The following ME1 variants were observed in gnomAD, a reference collection of about 807,000 sequenced individuals.
ME1 encodes the protein malic enzyme 1, also known as NADP-dependent malic enzyme.
ME1 carries 74 observed loss-of-function variants against 66.4 expected under a neutral mutation model. The observed-to-expected ratio is 1.11, with a 90% CI of 0.92 to 1.35. The LOEUF (loss-of-function observed/expected upper bound fraction) is 1.35. Among genes scored for constraint, ME1 ranks in the 40% most tolerant of loss-of-function variants. ME1 has a pLI of 0.00. For synonymous variants in ME1, 251 were observed against 235.6 expected (o/e 1.07, Z -0.60); for missense variants, 750 against 694.1 (o/e 1.08, Z -0.90).
chr6:83,398,461 G>A lies in ME1; in HGVS notation c.268C>T (p.Leu90=). 2.5e-6 allele frequency: 4 copies of A among 1,588,502 alleles called. No individual in the cohort carries two copies. The highest frequency in any genetic ancestry group is 2.6e-6 in the Non-Finnish European group (3 of 1,162,054). Residue 90 remains leucine, a synonymous_variant, in exon 3 of 14, where the codon CTG becomes TTG. Transcript: ENST00000369705. ...DRNEKLFYRV[L]TSDIEKFMPI... ...ATGAATTTCTCAATGTCAGATGTCA[G>A]CACTCTATAAAAGAGTTTTTCATTT...
intron 10 of ME1, among the ~76,000 whole-genome samples, chr6:83,228,327 C>T (rs1157017375): frequency 3.9e-5 from 6 of 152,184 alleles, no homozygotes; most frequent in South Asian, 4.1e-4. Context: ...TCAACCTCAG[C>T]ACTATTGACA....
intron 3 of ME1, among the ~76,000 whole-genome samples, chr6:83,385,065 T>C (rs958498223): frequency 6.6e-6 from 1 of 151,954 alleles, no homozygotes; most frequent in African/African-American, 2.4e-5. Flanking sequence ...TCTTTCCTTT[T>C]AAGCTAAACA....
At chr6:83,316,959 T>TAA (rs369750867) in intron 5 of ME1, among the ~76,000 whole-genome samples, 1 of 145,292 alleles carries the variant, frequency 6.9e-6, no homozygotes, top group African/African-American at 2.5e-5. Flanking sequence ...AAAATAAAAA[T>TAA]AAAAAAAAAA....
At chr6:83,409,641 A>T (rs1020245454) in intron 1 of ME1, among the ~76,000 whole-genome samples, 3 of 152,202 alleles carry the variant, frequency 2.0e-5, no homozygotes, top group African/African-American at 4.8e-5. Flanking sequence ...GCCAGACTGA[A>T]GAGAGACAAA....
At chr6:83,261,774 G>A (rs1030620270) in intron 6 of ME1, among the ~76,000 whole-genome samples, 14 of 152,228 alleles carry the variant, frequency 9.2e-5, no homozygotes, top group Admixed American at 7.8e-4. Flanking sequence ...AGCACTTTGG[G>A]AGGCCGAGGC....
intron 6 of ME1, among the ~76,000 whole-genome samples, chr6:83,283,370 A>G (rs917237154): frequency 6.6e-6 from 1 of 151,934 alleles, no homozygotes; most frequent in African/African-American, 2.4e-5. Flanking sequence ...GAAATGAACA[A>G]TGAGAACACA....
chr6:83,261,771 T>C (rs999715028), intron 6 of ME1, among the ~76,000 whole-genome samples: 2 of 152,018 alleles, frequency 1.3e-5, no homozygotes, highest in Non-Finnish European at 2.9e-5. Flanking sequence ...CCCAGCACTT[T>C]GGGAGGCCGA....
chr6:83,285,863 C>T (rs769861723), intron 6 of ME1, among the ~76,000 whole-genome samples: 4 of 152,086 alleles, frequency 2.6e-5, no homozygotes, highest in African/African-American at 4.8e-5. Flanking sequence ...GGAAAAGAGG[C>T]GAATGCATAA....
chr6:83,290,750 G>C (rs898149683), intron 6 of ME1, among the ~76,000 whole-genome samples: 3 of 152,136 alleles, frequency 2.0e-5, no homozygotes, highest in Non-Finnish European at 4.4e-5. Context: ...TATTGTGTGG[G>C]AGTCTAAGTC....
intron 6 of ME1, among the ~76,000 whole-genome samples, chr6:83,260,431 T>C (rs1766861847): frequency 6.6e-6 from 1 of 152,208 alleles, no homozygotes; most frequent in Non-Finnish European, 1.5e-5. Flanking sequence ...TTTAAACTTT[T>C]ATTTTAGGTT....
At chr6:83,221,214 A>G (rs1048461303) in intron 12 of ME1, among the ~76,000 whole-genome samples, 4 of 152,190 alleles carry the variant, frequency 2.6e-5, no homozygotes, top group African/African-American at 2.4e-5. Context: ...ATCTTTTACA[A>G]TAGGAAGCTC....
chr6:83,283,967 G>A (rs1270697141), intron 6 of ME1, among the ~76,000 whole-genome samples: 4 of 152,176 alleles, frequency 2.6e-5, no homozygotes, highest in East Asian at 3.9e-4. Context: ...TTGAAAGAGG[G>A]AACAAGATCA....
At chr6:83,282,328 C>T (rs1056002372) in intron 6 of ME1, among the ~76,000 whole-genome samples, 1 of 152,142 alleles carries the variant, frequency 6.6e-6, no homozygotes, top group South Asian at 2.1e-4. Flanking sequence ...GAACAGGCAA[C>T]CTACAGAATA....
chr6:83,343,055 T>C (rs1415339536), intron 5 of ME1, among the ~76,000 whole-genome samples: 1 of 152,168 alleles, frequency 6.6e-6, no homozygotes, highest in Admixed American at 6.5e-5. Context: ...AAATATACAA[T>C]ACAGTGTTGG....
intron 6 of ME1, among the ~76,000 whole-genome samples, chr6:83,265,371 A>G (rs750725499): frequency 2.0e-5 from 3 of 152,052 alleles, no homozygotes; most frequent in Non-Finnish European, 4.4e-5. Flanking sequence ...ATCACAACTC[A>G]CAGCAGCCTC....
chr6:83,293,767 C>A (rs1280049777), intron 6 of ME1, among the ~76,000 whole-genome samples: 1 of 152,142 alleles, frequency 6.6e-6, no homozygotes, highest in Non-Finnish European at 1.5e-5. Flanking sequence ...CAGGGTATCT[C>A]CTCAATTTCT....
chr6:83,315,434 A>G (rs1279749997), intron 5 of ME1, 21 bp from the exon 6 acceptor site: 1 of 1,359,452 alleles, frequency 7.4e-7, no homozygotes, highest in South Asian at 1.2e-5. Flanking sequence ...AAGTTACCAT[A>G]AAAATAGAAA....
intron 5 of ME1, among the ~76,000 whole-genome samples, chr6:83,328,546 T>A (rs1768345133): frequency 1.3e-5 from 2 of 152,192 alleles, no homozygotes; most frequent in African/African-American, 4.8e-5. Flanking sequence ...TAATCAAGGC[T>A]TGAATAATTA....
intron 6 of ME1, among the ~76,000 whole-genome samples, chr6:83,314,727 G>A (rs1767994472): frequency 6.6e-6 from 1 of 152,070 alleles, no homozygotes; most frequent in South Asian, 2.1e-4. Flanking sequence ...AGGTGATTTG[G>A]ATAAGAGACT....
Sources: allele counts gnomAD v4.1 joint callset (sites outside exome capture counted in the v4.1 genomes callset), GRCh38; gene constraint gnomAD v4.1.1; transcripts MANE v1.5; gene names NCBI Gene and HGNC (gene_info 2026-07-23, HGNC 2026-07-21).